XKR4: variants seen among roughly 807,000 people sequenced by gnomAD.
XKR4 encodes the protein XK-related protein 4.
XKR4 carries 12 observed loss-of-function variants against 53.9 expected under a neutral mutation model. The observed-to-expected ratio is 0.22, with a 90% CI of 0.14 to 0.36. The LOEUF is 0.36. Ranked by LOEUF, XKR4 falls within the 10% of genes least tolerant of loss-of-function variation. The pLI, the probability that XKR4 is intolerant of heterozygous loss-of-function variation, is 1.00. For synonymous variants in XKR4, 354 were observed against 362.4 expected, an observed-to-expected ratio of 0.98 and a Z score of 0.26; for missense variants, 799 against 859.5, an observed-to-expected ratio of 0.93 and a Z score of 0.88.
At chr8:55,106,026 A>T (rs550234810) in intron 1 of XKR4, among the ~76,000 whole-genome samples, 1 of 152,310 alleles carries the variant, frequency 6.6e-6, no homozygotes, top group South Asian at 2.1e-4. Context: ...TCAATACATT[A>T]TACACAAATA....
At chr8:55,507,882 T>C (rs1294118002) in intron 2 of XKR4, among the ~76,000 whole-genome samples, 4 of 152,164 alleles carry the variant, frequency 2.6e-5, no homozygotes, top group Admixed American at 2.0e-4. Flanking sequence ...GATGACTGAG[T>C]CAAATGGTAT....
intron 1 of XKR4, among the ~76,000 whole-genome samples, chr8:55,251,902 T>G (rs78124817): frequency 0.015 from 2,289 of 152,356 alleles, 63 homozygotes; most frequent in African/African-American, 0.051. Context: ...CTCTAATATC[T>G]GGTAACTTTT....
At chr8:55,453,594 C>A in intron 2 of XKR4, 1 of 401,316 alleles carries the variant, frequency 2.5e-6, no homozygotes, top group Non-Finnish European at 4.8e-6. Context: ...GCCTTCATGG[C>A]TAGGGGTGCA....
chr8:55,289,695 G>GAGAA (rs1554516162), intron 1 of XKR4, among the ~76,000 whole-genome samples: 51 of 87,798 alleles, frequency 5.8e-4, no homozygotes, highest in South Asian at 3.2e-3. Context: ...AAGAAAGAAA[G>GAGAA]AGAAAGAAAG....
intron 1 of XKR4, among the ~76,000 whole-genome samples, chr8:55,150,907 T>C (rs1283715329): frequency 6.6e-6 from 1 of 152,188 alleles, no homozygotes; most frequent in East Asian, 1.9e-4. Context: ...TTGTCTACAT[T>C]TATGTCAGCA....
intron 1 of XKR4, among the ~76,000 whole-genome samples, chr8:55,126,608 T>G (rs1300006966): frequency 1.3e-5 from 2 of 152,172 alleles, no homozygotes; most frequent in Non-Finnish European, 2.9e-5. Context: ...CAGAGGTACA[T>G]AAAGAAATAA....
At chr8:55,278,831 T>A (rs1818799436) in intron 1 of XKR4, among the ~76,000 whole-genome samples, 1 of 152,210 alleles carries the variant, frequency 6.6e-6, no homozygotes, top group Admixed American at 6.5e-5. Context: ...AATTTAATTG[T>A]GTAATGAACT....
At chr8:55,441,468 T>C (rs1318948990) in intron 2 of XKR4, among the ~76,000 whole-genome samples, 1 of 152,106 alleles carries the variant, frequency 6.6e-6, no homozygotes, top group Non-Finnish European at 1.5e-5. Flanking sequence ...AATGAGGAAG[T>C]ATATAGAATA....
At chr8:55,481,173 A>C (rs1468225042) in intron 2 of XKR4, among the ~76,000 whole-genome samples, 1 of 138,434 alleles carries the variant, frequency 7.2e-6, no homozygotes. Flanking sequence ...AGTAAACAAA[A>C]CAGCATGGTA....
intron 2 of XKR4, among the ~76,000 whole-genome samples, chr8:55,386,966 A>G (rs1289380323): frequency 6.6e-6 from 1 of 152,222 alleles, no homozygotes. Flanking sequence ...GTTGCATAAA[A>G]TACTATGCAA....
chr8:55,157,450 T>C (rs1816923085), intron 1 of XKR4, among the ~76,000 whole-genome samples: 1 of 152,210 alleles, frequency 6.6e-6, no homozygotes. Flanking sequence ...GCTTATCTTC[T>C]GCAAGATGAG....
At chr8:55,463,532 G>C (rs149119594) in intron 2 of XKR4, among the ~76,000 whole-genome samples, 3 of 151,250 alleles carry the variant, frequency 2.0e-5, no homozygotes, top group Non-Finnish European at 3.0e-5. Context: ...AGGAAAGATC[G>C]AAAATTGACA....
chr8:55,503,380 T>C (rs1283158984), intron 2 of XKR4, among the ~76,000 whole-genome samples: 2 of 152,158 alleles, frequency 1.3e-5, no homozygotes, highest in African/African-American at 4.8e-5. Context: ...TTTGTAGTTT[T>C]CAATATACAT....
chr8:55,129,292 A>C (rs963600818), intron 1 of XKR4, among the ~76,000 whole-genome samples: 1 of 152,204 alleles, frequency 6.6e-6, no homozygotes, highest in Non-Finnish European at 1.5e-5. Flanking sequence ...CCCTCAAAGG[A>C]CTTCTTTCCT....
intron 2 of XKR4, among the ~76,000 whole-genome samples, chr8:55,440,346 G>A (rs921542913): frequency 6.6e-6 from 1 of 152,106 alleles, no homozygotes; most frequent in African/African-American, 2.4e-5. Flanking sequence ...TAAGCAAAGA[G>A]TAATGGTATT....
At chr8:55,336,318 G>A (rs1435576672) in intron 1 of XKR4, among the ~76,000 whole-genome samples, 1 of 152,078 alleles carries the variant, frequency 6.6e-6, no homozygotes, top group East Asian at 1.9e-4. Flanking sequence ...CATGTAAGAA[G>A]TGCCTTTTGC....
intron 2 of XKR4, among the ~76,000 whole-genome samples, chr8:55,436,927 T>C (rs1178445552): frequency 2.0e-5 from 3 of 152,220 alleles, no homozygotes; most frequent in Non-Finnish European, 4.4e-5. Context: ...ACATTGTATA[T>C]GCACAGCATG....
intron 1 of XKR4, among the ~76,000 whole-genome samples, chr8:55,177,812 C>G (rs1817254344): frequency 6.6e-6 from 1 of 151,954 alleles, no homozygotes; most frequent in Non-Finnish European, 1.5e-5. Flanking sequence ...CATGGTTGTT[C>G]TTCATCTCCT....
intron 1 of XKR4, among the ~76,000 whole-genome samples, chr8:55,197,562 G>A (rs76872958): frequency 1.3e-5 from 1 of 75,532 alleles, no homozygotes; most frequent in Non-Finnish European, 2.7e-5. Flanking sequence ...TTTTTTTTTT[G>A]AGACAGAGTC....
Sources: gnomAD v4.1 joint callset for allele counts (sites outside exome capture counted in the v4.1 genomes callset) on GRCh38, gnomAD v4.1.1 for gene constraint, MANE v1.5 for transcripts, NCBI Gene and HGNC (gene_info 2026-07-23, HGNC 2026-07-21) for gene names.